ECE2: variants seen among roughly 807,000 people sequenced by gnomAD.
ECE2 encodes endothelin-converting enzyme 2.
A neutral mutation model predicts 100.6 loss-of-function variants in ECE2; 81 were observed. The ratio of observed to expected loss-of-function variants is 0.81; its 90% confidence interval spans 0.67 to 0.97. ECE2 has a LOEUF of 0.97. ECE2 is among the 50% of genes least tolerant of loss of function. The pLI is 0.00. For missense variants in ECE2, 911 were observed against 988.1 expected (o/e 0.92, Z 1.05); for synonymous variants, 391 against 391.5 (o/e 1.00, Z 0.02).
At chr3:184,276,814 G>C (rs1720574684) in intron 2 of ECE2, 78 bp from the exon 3 acceptor site, 1 of 1,589,086 alleles carries the variant, frequency 6.3e-7, no homozygotes, top group African/African-American at 1.3e-5. Context: ...TCTGAAAACT[G>C]CCTGTGGCTT....
Position 184,291,325 on chromosome 3 carries a change from C to T in ECE2, c.2026-19C>T. 6.3e-7 allele frequency: 1 copy of T among 1,594,066 alleles called. No homozygotes were observed. The highest frequency in any genetic ancestry group is 8.6e-7 in the Non-Finnish European group (1 of 1,168,580). On this transcript the variant is annotated intron_variant, in intron 17 of 18. Coordinates refer to ENST00000404464, the MANE Select transcript of ECE2 (RefSeq NM_001100121.2). The surrounding 1 kb of genome is among the most constrained non-coding windows in gnomAD (Gnocchi z 4.1). ...GGGGCAGGCCTGGATGGGCTTGTTGCCCACTGTTCTGTCCCCAGGCTTACA... is the reference window on the plus strand; with the variant it reads ...GGGGCAGGCCTGGATGGGCTTGTTGTCCACTGTTCTGTCCCCAGGCTTACA...
intron 5 of ECE2, 24 bp downstream of exon 5, chr3:184,278,073 G>A: frequency 6.2e-7 from 1 of 1,613,880 alleles, no homozygotes; most frequent in Middle Eastern, 1.7e-4. Context: ...GCCGGTTGAG[G>A]GCAGGGGAGC....
intron 4 of ECE2, 36 bp from the exon 5 acceptor site, chr3:184,277,889 G>A (rs377218471): frequency 1.7e-5 from 28 of 1,606,260 alleles, no homozygotes; most frequent in African/African-American, 1.5e-4. Flanking sequence ...AGCAGTTAAC[G>A]TAATTGCCAC....
In ECE2 at chr3:184,289,623, T is replaced by G. The variant is rs762079555; in HGVS notation, c.1474-18T>G. The G allele has an allele frequency of 6.2e-7, 1 of 1,613,712 alleles. No individual in the cohort carries two copies. Among genetic ancestry groups the G allele is most frequent in the Non-Finnish European group, 8.5e-7 (1 of 1,179,670 alleles). On this transcript the variant is annotated intron_variant, in intron 12 of 18. Coordinates refer to ENST00000404464, the MANE Select transcript of ECE2 (RefSeq NM_001100121.2). The surrounding 1 kb of genome is among the most constrained non-coding windows in gnomAD (Gnocchi z 4.1). ...GGAACCTGGGGAAGGAAACAAACCC[T>G]TAACCTGGTCTCTTCAGGCAGATGC...
intron 8 of ECE2, 123 bp from the exon 9 acceptor site, chr3:184,284,840 C>A: frequency 1.5e-6 from 2 of 1,302,780 alleles, no homozygotes; most frequent in Non-Finnish European, 2.1e-6. Context: ...AGGAAGGATA[C>A]ACCATGAAGC....
Position 184,283,802 on chromosome 3 carries a change from G to T in ECE2, c.834G>T (p.Leu278=), listed in dbSNP as rs150300984. The T allele has an allele frequency of 9.9e-5, 159 of 1,613,676 alleles. No individual in the cohort carries two copies. The African/African-American group carries it at 1.5e-3, about 15-fold the overall frequency. ...TANEKVLTAY[L]DYMEELGMLL... ...CTTGACAGGTGCTCACTGCCTATCT[G>T]GATTACATGGAGGAACTGGGGATGC... The change falls in exon 8 of 19, where the codon CTG becomes CTT. Residue 278 remains leucine (L), a synonymous_variant. Coordinates refer to ENST00000404464, the MANE Select transcript of ECE2 (RefSeq NM_001100121.2).
At chr3:184,288,020 A>G in intron 11 of ECE2, 73 bp downstream of exon 11, 5 of 1,443,636 alleles carry the variant, frequency 3.5e-6, no homozygotes, top group Non-Finnish European at 4.8e-6. Flanking sequence ...CATATAGAAA[A>G]ACAACGGGAG....
Position 184,289,826 on chromosome 3 carries a change from C to A in ECE2, c.1551+108C>A. On this transcript the variant is annotated intron_variant, in intron 13 of 18. Coordinates refer to ENST00000404464, the MANE Select transcript of ECE2 (RefSeq NM_001100121.2). The surrounding 1 kb of genome is among the most constrained non-coding windows in gnomAD (Gnocchi z 4.1). ...CTGGGAAAGAGGTGCTTGTCGGTTT[C>A]TTTTAGAGGCAGATGGAGGTAACCA... 1.0e-6 allele frequency: 1 copy of A among 1,003,706 alleles called. No individual in the cohort carries two copies. The highest frequency in any genetic ancestry group is 1.4e-6 in the Non-Finnish European group (1 of 692,696). The allele number at this position is 1,003,706 out of a possible 1,614,324, so 62.2% of individuals were successfully genotyped here. A position where few individuals can be genotyped will look rare whatever the true frequency, so the allele number is the denominator to read the frequency against.
chr3:184,276,730 T>G (rs752408062), intron 2 of ECE2, 162 bp from the exon 3 acceptor site: 3 of 1,547,350 alleles, frequency 1.9e-6, no homozygotes, highest in Non-Finnish European at 2.6e-6. Context: ...AGCCGTGACG[T>G]TGCACAAAAC....
At chr3:184,284,119 T>A (rs1297891471) in intron 8 of ECE2, 146 bp downstream of exon 8, 2 of 1,025,528 alleles carry the variant, frequency 2.0e-6, no homozygotes, top group African/African-American at 3.2e-5. Flanking sequence ...ACTGCTGCTG[T>A]CCTGGGGAAA....
intron 10 of ECE2, among the ~76,000 whole-genome samples, chr3:184,285,929 G>T (rs1462109967): frequency 6.6e-6 from 1 of 152,212 alleles, no homozygotes; most frequent in Non-Finnish European, 1.5e-5. Context: ...TGAGGAGGAT[G>T]GAGAGGATAT....
At position 184,292,355 on chromosome 3, in the gene ECE2, TC is replaced by T. The variant is rs1320551995; in HGVS notation, c.*124del. ...TGCAAGCTGGGCTGGGTCTAGTCCCTCCCCCCCACAGGTGACATGAGTACAG... is the reference window on the plus strand; with the variant it reads ...TGCAAGCTGGGCTGGGTCTAGTCCCTCCCCCCACAGGTGACATGAGTACAG... On this transcript the variant is annotated 3_prime_UTR_variant, in exon 19 of 19. Coordinates refer to ENST00000404464, the MANE Select transcript of ECE2 (RefSeq NM_001100121.2). The T allele has an allele frequency of 3.0e-5, 36 of 1,195,982 alleles. No individual in the cohort carries two copies. Among genetic ancestry groups the T allele is most frequent in the Admixed American group, 1.3e-4 (6 of 44,686 alleles). 74.1% of individuals were successfully genotyped at this position (1,195,982 alleles called of 1,614,324 possible).
rs747028010 is a variant in ECE2 at position 184,285,110 on chromosome 3, G to C, written c.1148+5G>C. 21 of 1,612,982 alleles carry C rather than the reference G, an allele frequency of 1.3e-5. No individual in the cohort carries two copies. Among genetic ancestry groups the C allele is most frequent in the Non-Finnish European group, 1.7e-5 (20 of 1,179,498 alleles). On this transcript the variant is annotated splice_donor_5th_base_variant and intron_variant, in intron 9 of 18. Transcript: ENST00000404464. ...CATCAACCGCACGGAACCAAGGTGT[G>C]GGGGTAGCCCAGGGTGAGGGTGGGT...
chr3:184,289,835 G>A lies in ECE2; in HGVS notation c.1551+117G>A. ...AGGTGCTTGTCGGTTTCTTTTAGAGGCAGATGGAGGTAACCAGCATTGTTA... is the reference window on the plus strand; with the variant it reads ...AGGTGCTTGTCGGTTTCTTTTAGAGACAGATGGAGGTAACCAGCATTGTTA... On this transcript the variant is annotated intron_variant, in intron 13 of 18. Transcript: ENST00000404464. The surrounding 1 kb of genome is among the most constrained non-coding windows in gnomAD (Gnocchi z 4.1). The A allele has an allele frequency of 3.5e-6, 3 of 860,330 alleles. No individual in the cohort carries two copies. The highest frequency in any genetic ancestry group is 5.3e-6 in the Non-Finnish European group (3 of 567,038). The allele number at this position is 860,330 out of a possible 1,614,324, so 53.3% of individuals were successfully genotyped here.
Position 184,278,272 on chromosome 3 carries a change from A to G in ECE2, c.709A>G (p.Ile237Val), listed in dbSNP as rs1720658043. The G allele has an allele frequency of 6.2e-7, 1 of 1,614,048 alleles. No individual in the cohort carries two copies. Among genetic ancestry groups the G allele is most frequent in the Non-Finnish European group, 8.5e-7 (1 of 1,180,032 alleles). ...YRATPFFTVY[I>V]SADSKSSNSN... ...GGCCACCCCATTCTTCACCGTCTAC[A>G]TCAGTGCCGACTCTAAGAGTTCCAA... Residue 237 changes from isoleucine to valine, a missense_variant, in exon 6 of 19, where the codon ATC becomes GTC. Physicochemically the swap from Ile to Val is conservative, Grantham distance 29. Coordinates refer to ENST00000404464, the MANE Select transcript of ECE2 (RefSeq NM_001100121.2).
At position 184,283,776 on chromosome 3, in the gene ECE2, C is replaced by A; in HGVS notation, c.817-9C>A. On this transcript the variant is annotated splice_polypyrimidine_tract_variant and intron_variant, in intron 7 of 18. Coordinates refer to ENST00000404464, the MANE Select transcript of ECE2 (RefSeq NM_001100121.2). ...TGCTGGGCTCTGAGGATCACCCGGG[C>A]CTTGACAGGTGCTCACTGCCTATCT... 4 of 1,612,652 alleles carry A rather than the reference C, an allele frequency of 2.5e-6. No homozygotes were observed. In the South Asian group the frequency reaches 4.4e-5, roughly 18 times the overall value.
chr3:184,278,821 T>C, intron 7 of ECE2: 1 of 518,902 alleles, frequency 1.9e-6, no homozygotes, highest in East Asian at 3.3e-5. Flanking sequence ...TTCTGAGATA[T>C]AAGTTTCCGA....
At chr3:184,288,881 G>A (rs1245614489) in intron 11 of ECE2, among the ~76,000 whole-genome samples, 3 of 152,136 alleles carry the variant, frequency 2.0e-5, no homozygotes, top group Non-Finnish European at 4.4e-5. Context: ...ACTAGGCTGG[G>A]CGTGGTGGTT....
chr3:184,285,504 A>T lies in ECE2; in HGVS notation c.1175A>T (p.Asn392Ile). ...ATCCTGAACAATTACCTGATCTGGA[A>T]CCTGGTGCAAAAGACAACCTCAAGC... ...PSILNNYLIW[N>I]LVQKTTSSLD... Residue 392 changes from asparagine (N) to isoleucine (I), a missense_variant, in exon 10 of 19, where the codon AAC becomes ATC. Asn to Ile is a moderately radical substitution (Grantham distance 149, BLOSUM62 -3). Coordinates refer to ENST00000404464, the MANE Select transcript of ECE2 (RefSeq NM_001100121.2). 1 of 1,614,106 alleles carries T rather than the reference A, an allele frequency of 6.2e-7. No individual in the cohort carries two copies. The highest frequency in any genetic ancestry group is 8.5e-7 in the Non-Finnish European group (1 of 1,180,000).
Sources: allele counts gnomAD v4.1 joint callset (sites outside exome capture counted in the v4.1 genomes callset), GRCh38; gene constraint gnomAD v4.1.1; non-coding constraint Gnocchi (gnomAD v3.1); transcripts MANE v1.5; gene names NCBI Gene and HGNC (gene_info 2026-07-23, HGNC 2026-07-21).